The following GFOD1 variants were observed in gnomAD, a reference collection of about 807,000 sequenced individuals.
GFOD1 encodes the protein Gfo/Idh/MocA-like oxidoreductase domain containing 1, also known as glucose-fructose oxidoreductase domain-containing protein 1.
GFOD1 carries 9 observed loss-of-function variants against 25.4 expected under a neutral mutation model. The observed-to-expected ratio is 0.35, with a 90% CI of 0.21 to 0.62. GFOD1 has a LOEUF of 0.62. Among genes scored for constraint, GFOD1 ranks in the 20% least tolerant of loss-of-function variants. The probability of loss-of-function intolerance (pLI) is 0.72; values close to 1 mark genes in which losing one functional copy is unlikely to be tolerated. For synonymous variants in GFOD1, 253 were observed against 245.6 expected (o/e 1.03, Z -0.28); for missense variants, 403 against 556.9 (o/e 0.72, Z 2.78).
intron 1 of GFOD1, among the ~76,000 whole-genome samples, chr6:13,453,864 T>G (rs1758142593): frequency 6.6e-6 from 1 of 152,200 alleles, no homozygotes; most frequent in Non-Finnish European, 1.5e-5. Context: ...TCACATGACC[T>G]CTCACATAAG....
At chr6:13,484,245 T>A (rs1758816849) in intron 1 of GFOD1, among the ~76,000 whole-genome samples, 1 of 152,080 alleles carries the variant, frequency 6.6e-6, no homozygotes, top group Non-Finnish European at 1.5e-5. Flanking sequence ...TCACCCTCAC[T>A]GGGCAAGCAA....
intron 1 of GFOD1, among the ~76,000 whole-genome samples, chr6:13,481,209 G>C (rs1758744408): frequency 6.6e-6 from 1 of 152,216 alleles, no homozygotes; most frequent in South Asian, 2.1e-4. Context: ...GGTTGGAGGA[G>C]AACTTTCTAA....
intron 1 of GFOD1, among the ~76,000 whole-genome samples, chr6:13,390,739 G>A (rs1353208442): frequency 8.0e-6 from 1 of 124,332 alleles, no homozygotes; most frequent in Non-Finnish European, 1.6e-5. Flanking sequence ...AAAAAAGAAA[G>A]AAAGACAGGA....
chr6:13,384,734 C>G (rs940027162), intron 1 of GFOD1, among the ~76,000 whole-genome samples: 9 of 152,172 alleles, frequency 5.9e-5, no homozygotes, highest in African/African-American at 2.2e-4. Flanking sequence ...GCGCACAGTG[C>G]CTTTCTGACC....
intron 1 of GFOD1, among the ~76,000 whole-genome samples, chr6:13,391,413 G>A (rs962844640): frequency 1.3e-4 from 19 of 149,166 alleles, no homozygotes; most frequent in South Asian, 2.1e-4. Context: ...CAGGAGAATC[G>A]CTTGAACCTG....
chr6:13,373,972 C>T (rs1785200566), intron 1 of GFOD1, among the ~76,000 whole-genome samples: 1 of 152,184 alleles, frequency 6.6e-6, no homozygotes, highest in South Asian at 2.1e-4. Flanking sequence ...ACTCAAAAGA[C>T]TAGTCTGATC....
At position 13,362,873 on chromosome 6, in the gene GFOD1, A is replaced by AT. The variant is rs1227475718; in HGVS notation, c.*1869dup. The AT allele has an allele frequency of 6.6e-6, 1 of 152,152 alleles. No individual in the cohort carries two copies. Among genetic ancestry groups the AT allele is most frequent in the East Asian group, 1.9e-4 (1 of 5,180 alleles). The allele number at this position is 152,152 out of a possible 1,614,324, so 9.4% of individuals were successfully genotyped here. A position where few individuals can be genotyped will look rare whatever the true frequency, so the allele number is the denominator to read the frequency against. On this transcript the variant is annotated 3_prime_UTR_variant, in exon 2 of 2. Transcript: ENST00000379287. Reference sequence around the variant, plus strand: ...AACTGATTGGGCTGTTCATTCTCAGATTTTGCCTACACAGGCTGGAGGTGG... The same window carrying AT: ...AACTGATTGGGCTGTTCATTCTCAGATTTTTGCCTACACAGGCTGGAGGTGG...
intron 1 of GFOD1, among the ~76,000 whole-genome samples, chr6:13,460,104 A>G (rs9382115): frequency 0.92 from 140,415 of 152,278 alleles, 65,778 homozygotes; most frequent in East Asian, 1. Flanking sequence ...ACTGCACTCC[A>G]GCTTGGGAGA....
rs571966949 is a variant in GFOD1, at chr6:13,359,145, C to A, written c.*5598G>T. 1 of 152,470 alleles carries A rather than the reference C, an allele frequency of 6.6e-6. No individual in the cohort carries two copies. The highest frequency in any genetic ancestry group is 1.9e-4 in the East Asian group (1 of 5,190). 9.4% of individuals were successfully genotyped at this position (152,470 alleles called of 1,614,324 possible). A position where few individuals can be genotyped will look rare whatever the true frequency, so the allele number is the denominator to read the frequency against. On this transcript the variant is annotated 3_prime_UTR_variant, in exon 2 of 2. Transcript: ENST00000379287. The stretch of plus-strand genomic sequence containing the variant: ...GCCCCAGTCAGTCTGGGTGGGGGGT[C>A]CCCTGAAACTCAGAGCACGCTCCAG...
chr6:13,411,604 T>C (rs960738059), intron 1 of GFOD1, among the ~76,000 whole-genome samples: 1 of 152,100 alleles, frequency 6.6e-6, no homozygotes, highest in African/African-American at 2.4e-5. Context: ...CAGCTGCCCA[T>C]TTTCATCCAG....
In GFOD1 at chr6:13,364,807, T is replaced by C. The variant is rs973469980; in HGVS notation, c.1109A>G (p.Glu370Gly). Reference protein sequence around the residue: ...QNIAIMTEEPELSPAYLISEA... With the variant: ...QNIAIMTEEPGLSPAYLISEA... ...GCTGATCAGGTAGGCGGGGCTCAGC[T>C]CCGGCTCCTCGGTCATGATGGCAAT... is the stretch of plus-strand genomic sequence containing the variant. The change falls in exon 2 of 2, where the codon GAG becomes GGG. Residue 370 changes from glutamate to glycine, a missense_variant. Transcript: ENST00000379287. This position sits in a 1 kb window ranked among gnomAD's most constrained non-coding sequence, Gnocchi z 4.1. The C allele has an allele frequency of 6.2e-7, 1 of 1,613,866 alleles. No individual in the cohort carries two copies. The highest frequency in any genetic ancestry group is 1.3e-5 in the African/African-American group (1 of 74,920).
chr6:13,390,778 AGAAAGGAAGG>A (rs1785580840), intron 1 of GFOD1, among the ~76,000 whole-genome samples: 1 of 102,262 alleles, frequency 9.8e-6, no homozygotes, highest in Non-Finnish European at 1.7e-5. Context: ...AGAGAGAGAG[AGAAAGGAAGG>A]AAGGAAGGAA....
At chr6:13,385,337 T>A (rs1294454542) in intron 1 of GFOD1, among the ~76,000 whole-genome samples, 2 of 152,168 alleles carry the variant, frequency 1.3e-5, no homozygotes, top group African/African-American at 4.8e-5. Context: ...CAAGATGACA[T>A]CTGTAACATA....
chr6:13,374,825 C>G (rs1266424096), intron 1 of GFOD1, among the ~76,000 whole-genome samples: 1 of 149,600 alleles, frequency 6.7e-6, no homozygotes, highest in Non-Finnish European at 1.5e-5. Context: ...TTACTGCAAC[C>G]TCTGCCTCCC....
At chr6:13,470,253 G>A (rs41273848) in intron 1 of GFOD1, 24 of 1,596,038 alleles carry the variant, frequency 1.5e-5, no homozygotes, top group Non-Finnish European at 2.1e-5. Context: ...GCCGGCTCAT[G>A]AAGCACATCC....
chr6:13,432,441 C>T (rs941725877), intron 1 of GFOD1, among the ~76,000 whole-genome samples: 2 of 152,052 alleles, frequency 1.3e-5, no homozygotes, highest in East Asian at 3.9e-4. Flanking sequence ...ATCCTTGGCT[C>T]ATGCGATCTT....
intron 1 of GFOD1, among the ~76,000 whole-genome samples, chr6:13,465,076 T>G (rs1166986506): frequency 6.6e-6 from 1 of 152,190 alleles, no homozygotes; most frequent in Non-Finnish European, 1.5e-5. Context: ...ATATTTCTTG[T>G]GCCACATTTT....
chr6:13,365,784 C>T lies in GFOD1; in HGVS notation c.254-122G>A. The T allele has an allele frequency of 1.2e-6, 1 of 803,438 alleles. No homozygotes were observed. Among genetic ancestry groups the T allele is most frequent in the Non-Finnish European group, 1.9e-6 (1 of 519,156 alleles). The allele number at this position is 803,438 out of a possible 1,614,324, so 49.8% of individuals were successfully genotyped here. On this transcript the variant is annotated intron_variant, in intron 1 of 1. Coordinates refer to ENST00000379287, the MANE Select transcript of GFOD1 (RefSeq NM_018988.4). This position sits in a 1 kb window ranked among gnomAD's most constrained non-coding sequence, Gnocchi z 9.2. ...AGAAGGTCAGATGTGGTGGCTCATG[C>T]CTGTTGTCCCAGCACTTTGGGAGGC...
intron 1 of GFOD1, among the ~76,000 whole-genome samples, chr6:13,454,036 T>A (rs915225542): frequency 9.9e-5 from 15 of 152,216 alleles, no homozygotes; most frequent in African/African-American, 3.4e-4. Flanking sequence ...TTGGCCCTAA[T>A]CCAATATGAC....
Sources: gnomAD v4.1 joint callset for allele counts (sites outside exome capture counted in the v4.1 genomes callset) on GRCh38, gnomAD v4.1.1 for gene constraint, Gnocchi (gnomAD v3.1) non-coding constraint, MANE v1.5 for transcripts, NCBI Gene and HGNC (gene_info 2026-07-23, HGNC 2026-07-21) for gene names.